The following PRKCB variants were observed in gnomAD, a reference collection of about 807,000 sequenced individuals.
The protein encoded by PRKCB is protein kinase C beta.
In PRKCB, 13 loss-of-function variants were observed where a neutral mutation model predicts 81.5. The ratio of observed to expected loss-of-function variants is 0.16; its 90% CI spans 0.10 to 0.25. The LOEUF is 0.25. PRKCB is among the 10% of genes least tolerant of loss of function. The pLI is 1.00. For missense variants in PRKCB, 509 were observed against 875.7 expected (o/e 0.58, Z 5.29); for synonymous variants, 335 against 321.4 (o/e 1.04, Z -0.45).
At position 24,216,996 on chromosome 16, in the gene PRKCB, C is replaced by A. The variant is rs73550432; in HGVS notation, c.*2180C>A. The A allele has an allele frequency of 0.014, 13,721 of 985,084 alleles. 1,451 individuals carry two copies. The African/African-American group carries it at 0.22, about 16-fold the overall frequency. The allele number at this position is 985,084 out of a possible 1,614,324, so 61.0% of individuals were successfully genotyped here. ...CATGATCCCATTTTGCTTGGACATG[C>A]TCTCAGGAAGATAAAAACCATGGAG... On this transcript the variant is annotated 3_prime_UTR_variant, in exon 17 of 17. Coordinates refer to ENST00000643927, the MANE Select transcript of PRKCB (RefSeq NM_002738.7).
At chr16:24,073,878 C>T (rs1966145612) in intron 5 of PRKCB, among the ~76,000 whole-genome samples, 1 of 151,892 alleles carries the variant, frequency 6.6e-6, no homozygotes, top group African/African-American at 2.4e-5. Flanking sequence ...CGTGGTGGCT[C>T]ACGCCTGTAA....
intron 11 of PRKCB, among the ~76,000 whole-genome samples, chr16:24,173,336 A>C (rs1039945849): frequency 3.3e-5 from 5 of 152,166 alleles, no homozygotes; most frequent in Non-Finnish European, 7.3e-5. Flanking sequence ...ATTAGCAATG[A>C]TAACCTCTCC....
chr16:23,969,209 C>T (rs1964526414), intron 2 of PRKCB, among the ~76,000 whole-genome samples: 2 of 152,100 alleles, frequency 1.3e-5, no homozygotes, highest in Admixed American at 1.3e-4. Flanking sequence ...CCTTCCCCTG[C>T]AGTGGGGCCC....
intron 3 of PRKCB, among the ~76,000 whole-genome samples, chr16:23,999,387 G>C (rs543626572): frequency 2.0e-5 from 3 of 152,342 alleles, no homozygotes; most frequent in East Asian, 3.9e-4. Flanking sequence ...GTAGAGCTTT[G>C]TGCTGTTGGC....
rs189783603 is a variant in PRKCB at position 24,086,270 on chromosome 16, G to A, written c.530-6521G>A. On this transcript the variant is annotated intron_variant, in intron 5 of 16. Coordinates refer to ENST00000643927, the MANE Select transcript of PRKCB (RefSeq NM_002738.7). ...GAAGCTTCCAACTTGGGAAGGTATGGCAGGGCAGGGGGGTTCAAGCAAAGG... is the reference window on the plus strand; with the variant it reads ...GAAGCTTCCAACTTGGGAAGGTATGACAGGGCAGGGGGGTTCAAGCAAAGG... 5.3e-5 allele frequency among the ~76,000 whole-genome samples: 8 copies of A among 152,284 alleles called. No individual in the cohort carries two copies. In the East Asian group the frequency reaches 1.5e-3, roughly 29 times the overall value.
chr16:23,869,173 A>T, intron 2 of PRKCB: 1 of 452,734 alleles, frequency 2.2e-6, no homozygotes, highest in Non-Finnish European at 4.4e-6. Context: ...GTGAGCAGAC[A>T]CAATCTACTC....
At chr16:24,058,743 T>C (rs1187603675) in intron 5 of PRKCB, among the ~76,000 whole-genome samples, 2 of 152,218 alleles carry the variant, frequency 1.3e-5, no homozygotes, top group African/African-American at 4.8e-5. Context: ...TAATGCCAGC[T>C]CACAGAAGAG....
chr16:23,884,615 G>T (rs1156821767), intron 2 of PRKCB, among the ~76,000 whole-genome samples: 1 of 152,126 alleles, frequency 6.6e-6, no homozygotes, highest in Non-Finnish European at 1.5e-5. Flanking sequence ...GCTCACTGCA[G>T]CTTCAATCTC....
At chr16:23,905,206 T>A (rs979420083) in intron 2 of PRKCB, among the ~76,000 whole-genome samples, 2 of 152,126 alleles carry the variant, frequency 1.3e-5, no homozygotes, top group Non-Finnish European at 2.9e-5. Flanking sequence ...TGGCGAGGAA[T>A]GCACTTTGCA....
chr16:24,129,453 A>G (rs897325896), intron 9 of PRKCB, among the ~76,000 whole-genome samples: 1 of 152,092 alleles, frequency 6.6e-6, no homozygotes, highest in African/African-American at 2.4e-5. Context: ...TGGTATATTC[A>G]TAATAAATAC....
At chr16:24,022,720 C>G (rs1010750032) in intron 3 of PRKCB, among the ~76,000 whole-genome samples, 1 of 152,202 alleles carries the variant, frequency 6.6e-6, no homozygotes, top group Non-Finnish European at 1.5e-5. Context: ...GTCTCGATCT[C>G]CTGACCTCGT....
At position 24,016,858 on chromosome 16, in the gene PRKCB, G is replaced by A. The variant is rs193026537; in HGVS notation, c.289-15278G>A. On this transcript the variant is annotated intron_variant, in intron 3 of 16. Coordinates refer to ENST00000643927, the MANE Select transcript of PRKCB (RefSeq NM_002738.7). ...AATTCCTTATTCTAAATTCTGATTG[G>A]CCCAGTTCTTCCTTCATAAATTTCA... is the stretch of plus-strand genomic sequence containing the variant. 1.6e-3 allele frequency among the ~76,000 whole-genome samples: 249 copies of A among 152,232 alleles called. 1 individual carries two copies. The highest frequency in any genetic ancestry group is 5.4e-3 in the African/African-American group (226 of 41,524).
chr16:23,987,218 G>A (rs550575428), intron 2 of PRKCB, among the ~76,000 whole-genome samples: 6 of 152,240 alleles, frequency 3.9e-5, no homozygotes, highest in African/African-American at 7.2e-5. Flanking sequence ...TGTTCTGCAC[G>A]TGTATCCCAG....
intron 5 of PRKCB, among the ~76,000 whole-genome samples, chr16:24,047,543 A>G (rs1181249701): frequency 6.6e-6 from 1 of 151,926 alleles, no homozygotes; most frequent in African/African-American, 2.4e-5. Flanking sequence ...CTTCTAAAAA[A>G]AAAAAAAAGA....
chr16:24,028,795 A>G (rs994280562), intron 3 of PRKCB, among the ~76,000 whole-genome samples: 1 of 151,502 alleles, frequency 6.6e-6, no homozygotes, highest in African/African-American at 2.4e-5. Flanking sequence ...ATGTATGGAT[A>G]TGGTTGTTGT....
At chr16:23,968,045 AC>A (rs1385794092) in intron 2 of PRKCB, among the ~76,000 whole-genome samples, 3 of 150,772 alleles carry the variant, frequency 2.0e-5, no homozygotes, top group African/African-American at 7.3e-5. Flanking sequence ...AAGCCCCACC[AC>A]TCCCTGTTGT....
At position 24,185,126 on chromosome 16, in the gene PRKCB, C is replaced by T. The variant is rs1210146222; in HGVS notation, c.1549C>T (p.Pro517Ser). 6.2e-7 allele frequency: 1 copy of T among 1,614,040 alleles called. No individual in the cohort carries two copies. Among genetic ancestry groups the T allele is most frequent in the Non-Finnish European group, 8.5e-7 (1 of 1,179,912 alleles). The change falls in exon 14 of 17, where the codon CCC becomes TCC. Residue 517 changes from proline (P) to serine (S), a missense_variant. Pro to Ser is a moderately conservative substitution (Grantham distance 74). This residue lies in a region of PRKCB where 106 missense variants were observed against 214.0 expected (regional missense o/e 0.50). Transcript: ENST00000643927. ...TCTTTTCTAGATAATTGCTTATCAG[C>T]CCTATGGGAAGTCCGTGGATTGGTG... is the stretch of plus-strand genomic sequence containing the variant. ...YIAPEIIAYQPYGKSVDWWAF... is the reference protein window; with the variant it reads ...YIAPEIIAYQSYGKSVDWWAF...
intron 4 of PRKCB, among the ~76,000 whole-genome samples, chr16:24,034,241 C>T (rs889836596): frequency 6.6e-6 from 1 of 152,214 alleles, no homozygotes; most frequent in African/African-American, 2.4e-5. Context: ...GAGGGCTCTC[C>T]CTTCCCTCCC....
chr16:24,002,943 G>A (rs1465107122), intron 3 of PRKCB, among the ~76,000 whole-genome samples: 1 of 152,080 alleles, frequency 6.6e-6, no homozygotes, highest in Non-Finnish European at 1.5e-5. Context: ...GGACTCAAGG[G>A]GAGGGGCTAA....
Sources: gnomAD v4.1 joint callset for allele counts (sites outside exome capture counted in the v4.1 genomes callset) on GRCh38, gnomAD v4.1.1 for gene constraint, gnomAD v4.1.1 regional missense constraint, MANE v1.5 for transcripts, NCBI Gene and HGNC (gene_info 2026-07-23, HGNC 2026-07-21) for gene names.